Variants in USP34 observed in about 807,000 individuals in gnomAD.
The protein encoded by USP34 is ubiquitin carboxyl-terminal hydrolase 34.
USP34 carries 70 observed loss-of-function variants against 460.3 expected under a neutral mutation model. The ratio of observed to expected loss-of-function variants is 0.15; its 90% CI spans 0.13 to 0.19. The LOEUF is 0.19. USP34 is among the 10% of genes least tolerant of loss of function. The pLI is 1.00. For missense variants in USP34, 3,985 were observed against 4,236.2 expected (o/e 0.94, Z 1.65); for synonymous variants, 1,647 against 1,405.3 (o/e 1.17, Z -3.85).
chr2:61,275,106 G>A (rs945712661), intron 41 of USP34, among the ~76,000 whole-genome samples: 2 of 151,860 alleles, frequency 1.3e-5, no homozygotes, highest in African/African-American at 4.8e-5. Context: ...GCGAAATCCC[G>A]TCTCTACAAA....
At chr2:61,454,293 G>T (rs778142) in intron 1 of USP34, among the ~76,000 whole-genome samples, 99,010 of 151,858 alleles carry the variant, frequency 0.65, 32,425 homozygotes, top group African/African-American at 0.72. Flanking sequence ...GCTCAGCTAG[G>T]TTTTGTTTTT....
chr2:61,315,998 G>A (rs887726911), intron 23 of USP34, among the ~76,000 whole-genome samples: 13 of 149,140 alleles, frequency 8.7e-5, no homozygotes, highest in African/African-American at 3.0e-4. Flanking sequence ...TCAGGAGTTC[G>A]AGACCAGCCT....
chr2:61,348,603 C>T, intron 14 of USP34, 123 bp from the exon 15 acceptor site: 7 of 1,441,616 alleles, frequency 4.9e-6, no homozygotes, highest in Non-Finnish European at 6.4e-6. Context: ...TTGAACAATA[C>T]AAAATGGAAT....
intron 5 of USP34, among the ~76,000 whole-genome samples, chr2:61,385,906 G>C (rs1693129293): frequency 1.4e-5 from 2 of 147,858 alleles, no homozygotes; most frequent in African/African-American, 5.0e-5. Context: ...TGAGACAGGA[G>C]AATCACTTGA....
intron 1 of USP34, among the ~76,000 whole-genome samples, chr2:61,435,878 A>T (rs1242105954): frequency 6.6e-6 from 1 of 151,954 alleles, no homozygotes; most frequent in Non-Finnish European, 1.5e-5. Context: ...AAATACAAAA[A>T]TGAGCCGGGC....
intron 1 of USP34, among the ~76,000 whole-genome samples, chr2:61,455,788 G>A (rs975489628): frequency 5.3e-5 from 8 of 152,108 alleles, no homozygotes; most frequent in Non-Finnish European, 1.0e-4. Context: ...CTAGCACTGC[G>A]TTAAATGTTG....
chr2:61,356,047 C>T (rs995083034), intron 10 of USP34, among the ~76,000 whole-genome samples: 2 of 152,036 alleles, frequency 1.3e-5, no homozygotes, highest in African/African-American at 4.8e-5. Context: ...AATCTGACTC[C>T]TAGGTATATG....
intron 75 of USP34, chr2:61,193,410 T>C (rs1686699498): frequency 6.7e-6 from 1 of 149,922 alleles, no homozygotes; most frequent in African/African-American, 2.5e-5. Flanking sequence ...AAACATATCT[T>C]TCCTCTTTTA....
At chr2:61,330,848 C>T (rs2103729277) in intron 20 of USP34, among the ~76,000 whole-genome samples, 1 of 152,138 alleles carries the variant, frequency 6.6e-6, no homozygotes, top group South Asian at 2.1e-4. Flanking sequence ...TCCACACGTC[C>T]TAAACTTTCT....
chr2:61,436,911 A>G (rs1157806312), intron 1 of USP34, among the ~76,000 whole-genome samples: 1 of 152,232 alleles, frequency 6.6e-6, no homozygotes, highest in Non-Finnish European at 1.5e-5. Context: ...ATACCAATAC[A>G]TGGAAATTAA....
intron 18 of USP34, among the ~76,000 whole-genome samples, chr2:61,334,237 AGAT>A (rs1331871241): frequency 1.3e-5 from 2 of 152,172 alleles, no homozygotes; most frequent in Non-Finnish European, 2.9e-5. Context: ...GAGCATTTAA[AGAT>A]GTTTCTTAAA....
chr2:61,444,123 T>A (rs1003737934), intron 1 of USP34, among the ~76,000 whole-genome samples: 19 of 152,158 alleles, frequency 1.2e-4, no homozygotes, highest in South Asian at 1.0e-3. Context: ...TGGTGGGGCA[T>A]GCATGCCTGT....
chr2:61,283,985 T>C (rs1043427970), intron 35 of USP34, among the ~76,000 whole-genome samples: 3 of 152,070 alleles, frequency 2.0e-5, no homozygotes, highest in African/African-American at 7.2e-5. Flanking sequence ...AAGTTCCAGA[T>C]AGAGCAGGAA....
intron 79 of USP34, 71 bp downstream of exon 79, chr2:61,188,839 A>AACCAGTTACACCGAGT: frequency 6.3e-7 from 1 of 1,586,250 alleles, no homozygotes; most frequent in South Asian, 1.2e-5. Flanking sequence ...ACAACTCTTA[A>AACCAGTTACACCGAGT]ACCAGTTACA....
At chr2:61,289,963 G>C (rs1008378158) in intron 33 of USP34, among the ~76,000 whole-genome samples, 1 of 152,146 alleles carries the variant, frequency 6.6e-6, no homozygotes, top group Non-Finnish European at 1.5e-5. Flanking sequence ...GCCACAGCAT[G>C]TGTGGGGGGC....
chr2:61,464,836 A>C (rs983531901), intron 1 of USP34, among the ~76,000 whole-genome samples: 17 of 152,142 alleles, frequency 1.1e-4, no homozygotes, highest in African/African-American at 3.9e-4. Context: ...GTGATGGCCT[A>C]AAGCATGTAA....
At chr2:61,275,483 G>C (rs1689345127) in intron 41 of USP34, among the ~76,000 whole-genome samples, 1 of 152,038 alleles carries the variant, frequency 6.6e-6, no homozygotes, top group African/African-American at 2.4e-5. Flanking sequence ...AATTAGCTGG[G>C]TGTGATGGCG....
intron 33 of USP34, among the ~76,000 whole-genome samples, chr2:61,292,894 AT>A (rs999407478): frequency 3.9e-4 from 59 of 151,818 alleles, no homozygotes; most frequent in African/African-American, 1.1e-3. Context: ...TAAAATTTCC[AT>A]TTTTTTATGC....
chr2:61,447,119 G>A (rs1438532186), intron 1 of USP34, among the ~76,000 whole-genome samples: 1 of 151,746 alleles, frequency 6.6e-6, no homozygotes, highest in Non-Finnish European at 1.5e-5. Flanking sequence ...GCCTGGCATC[G>A]TGGCATGCAC....
Sources: allele counts gnomAD v4.1 joint callset (sites outside exome capture counted in the v4.1 genomes callset), GRCh38; gene constraint gnomAD v4.1.1; transcripts MANE v1.5; gene names NCBI Gene and HGNC (gene_info 2026-07-23, HGNC 2026-07-21).